The following TBC1D32 variants were observed in gnomAD, a reference collection of about 807,000 sequenced individuals.
The protein encoded by TBC1D32 is TBC1 domain family member 32.
TBC1D32 carries 151 observed loss-of-function variants against 170.3 expected under a neutral mutation model. The ratio of observed to expected loss-of-function variants is 0.89; its 90% CI spans 0.78 to 1.01. TBC1D32 has a LOEUF of 1.01. Among genes scored for constraint, TBC1D32 ranks in the 50% least tolerant of loss-of-function variants. The pLI, the probability that TBC1D32 is intolerant of heterozygous loss-of-function variation, is 0.00. For synonymous variants in TBC1D32, 498 were observed against 488.0 expected, an observed-to-expected ratio of 1.02 and a Z score of -0.27; for missense variants, 1,464 against 1,457.1, an observed-to-expected ratio of 1.00 and a Z score of -0.08.
chr6:121,324,755 T>C (rs1414970447), intron 1 of TBC1D32, among the ~76,000 whole-genome samples: 2 of 152,216 alleles, frequency 1.3e-5, no homozygotes, highest in Non-Finnish European at 2.9e-5. Context: ...GCACATTCCA[T>C]ACAAAACAGT....
chr6:121,273,830 A>T (rs1254758524), intron 15 of TBC1D32, among the ~76,000 whole-genome samples: 1 of 152,108 alleles, frequency 6.6e-6, no homozygotes, highest in East Asian at 1.9e-4. Flanking sequence ...ACTGTGTTCA[A>T]ATAATGCAAA....
intron 24 of TBC1D32, among the ~76,000 whole-genome samples, chr6:121,151,345 AT>A (rs1423888055): frequency 6.6e-6 from 1 of 152,084 alleles, no homozygotes; most frequent in East Asian, 1.9e-4. Context: ...TTCTAATTTG[AT>A]TGCACTGTGG....
chr6:121,313,108 G>A (rs1808451246), intron 3 of TBC1D32, among the ~76,000 whole-genome samples: 1 of 1,300 alleles, frequency 7.7e-4, no homozygotes, highest in African/African-American at 1.3e-3. Flanking sequence ...CTAAGGTGGT[G>A]TGTGTGTGTG....
chr6:121,106,008 T>A lies in TBC1D32; in HGVS notation c.3465+15A>T, dbSNP rs200438206. On this transcript the variant is annotated intron_variant, in intron 30 of 31. Coordinates refer to ENST00000398212, the MANE Select transcript of TBC1D32 (RefSeq NM_152730.6). ...GATAAAGGAGTTGGAGAAATGCTAC[T>A]CCCTTATGGATTACCTGTGATGGTG... The A allele has an allele frequency of 7.6e-6, 12 of 1,583,692 alleles. No individual in the cohort carries two copies. Among genetic ancestry groups the A allele is most frequent in the Admixed American group, 3.4e-5 (2 of 58,812 alleles).
At chr6:121,157,817 G>A (rs963221569) in intron 24 of TBC1D32, among the ~76,000 whole-genome samples, 1 of 152,100 alleles carries the variant, frequency 6.6e-6, no homozygotes, top group African/African-American at 2.4e-5. Context: ...CCTTAAAAAT[G>A]CTGAAAATAG....
intron 22 of TBC1D32, chr6:121,170,510 C>A: frequency 6.3e-7 from 1 of 1,589,200 alleles, no homozygotes. Flanking sequence ...CAGATCACAG[C>A]ATATCACACT....
chr6:121,177,109 T>C (rs79811828), intron 22 of TBC1D32, among the ~76,000 whole-genome samples: 3,657 of 152,252 alleles, frequency 0.024, 159 homozygotes, highest in East Asian at 0.12. Context: ...AAGGAAATGA[T>C]TGCTTATCAG....
intron 15 of TBC1D32, among the ~76,000 whole-genome samples, chr6:121,264,682 C>G (rs1483193824): frequency 6.6e-6 from 1 of 152,144 alleles, no homozygotes; most frequent in Admixed American, 6.5e-5. Context: ...TACTCACAAA[C>G]CAAATCCAGC....
In TBC1D32 at chr6:121,100,173, T is replaced by G. The variant is rs1022833590; in HGVS notation, c.3465+5850A>C. Among the ~76,000 whole-genome samples, 18 of 151,958 alleles carry G rather than the reference T, an allele frequency of 1.2e-4. 1 individual carries two copies. Among genetic ancestry groups the G allele is most frequent in the Non-Finnish European group, 1.5e-5 (1 of 67,944 alleles). Reference sequence around the variant, plus strand: ...CTGTTCTTTTACATTTGCTGAAGAGTGCTTTACTTCCAACTATGTGGTCAA... The same window carrying G: ...CTGTTCTTTTACATTTGCTGAAGAGGGCTTTACTTCCAACTATGTGGTCAA... On this transcript the variant is annotated intron_variant, in intron 30 of 31. Coordinates refer to ENST00000398212, the MANE Select transcript of TBC1D32 (RefSeq NM_152730.6).
In TBC1D32 at chr6:121,256,091, C is replaced by A. The variant is rs746395745; in HGVS notation, c.1928G>T (p.Trp643Leu). 1 of 1,606,390 alleles carries A rather than the reference C, an allele frequency of 6.2e-7. No homozygotes were observed. Among genetic ancestry groups the A allele is most frequent in the East Asian group, 2.2e-5 (1 of 44,810 alleles). ...YNLHESIAKA[W>L]KKTSLLSERI... ...AAGCTTGAAAATACTTACCTTTTTC[C>A]ATGCCTTTGCTATAGATTCATGCAA... Residue 643 changes from tryptophan (W) to leucine (L), a missense_variant, in exon 16 of 32, where the codon TGG becomes TTG. Around this residue, in one of 3 missense-constraint regions of TBC1D32, gnomAD observed 1,363 missense variants for 1,338.1 expected, o/e 1.02. Coordinates refer to ENST00000398212, the MANE Select transcript of TBC1D32 (RefSeq NM_152730.6).
chr6:121,090,415 T>G (rs1279756698), intron 31 of TBC1D32, among the ~76,000 whole-genome samples: 1 of 152,186 alleles, frequency 6.6e-6, no homozygotes, highest in South Asian at 2.1e-4. Context: ...CTTTTTAAAA[T>G]GAGTGCTATG....
chr6:121,144,828 C>T (rs566404031), intron 24 of TBC1D32, among the ~76,000 whole-genome samples: 1 of 152,110 alleles, frequency 6.6e-6, no homozygotes, highest in Non-Finnish European at 1.5e-5. Flanking sequence ...TGGGGCATTC[C>T]AAAGTTTAAA....
chr6:121,213,543 T>A (rs1793421965), intron 21 of TBC1D32, among the ~76,000 whole-genome samples: 1 of 104,188 alleles, frequency 9.6e-6, no homozygotes, highest in Non-Finnish European at 1.9e-5. Flanking sequence ...TAAAATAAAA[T>A]AAAATAAAAT....
chr6:121,240,877 C>CAA (rs35249678), intron 19 of TBC1D32, among the ~76,000 whole-genome samples: 1,061 of 83,834 alleles, frequency 0.013, 27 homozygotes, highest in South Asian at 0.054. Flanking sequence ...TTCTGTCTCA[C>CAA]AAAAAAAAAA....
At chr6:121,310,978 T>A in intron 3 of TBC1D32, 131 bp from the exon 4 acceptor site, 1 of 634,446 alleles carries the variant, frequency 1.6e-6, no homozygotes, top group Non-Finnish European at 2.7e-6. Context: ...CTATTTTGAT[T>A]TGGCAGCAAC....
intron 21 of TBC1D32, among the ~76,000 whole-genome samples, chr6:121,211,376 A>T (rs940502857): frequency 2.4e-4 from 37 of 152,124 alleles, no homozygotes; most frequent in Non-Finnish European, 7.4e-5. Flanking sequence ...AGGGAAATGA[A>T]ATCCCTGGTG....
Position 121,143,103 on chromosome 6 carries a change from T to C in TBC1D32, c.2774-11351A>G, listed in dbSNP as rs143526461. Among the ~76,000 whole-genome samples, 104 of 152,276 alleles carry C rather than the reference T, an allele frequency of 6.8e-4. No homozygotes were observed. In the East Asian group the frequency reaches 0.019, roughly 28 times the overall value. The stretch of plus-strand genomic sequence containing the variant: ...AGTACCATAATATAAGTTACAACAT[T>C]AGTACGTATTATACTACCTATCTAT... On this transcript the variant is annotated intron_variant, in intron 24 of 31. Transcript: ENST00000398212.
At chr6:121,227,078 AT>A (rs1795162174) in intron 20 of TBC1D32, among the ~76,000 whole-genome samples, 1 of 152,196 alleles carries the variant, frequency 6.6e-6, no homozygotes, top group African/African-American at 2.4e-5. Context: ...TGCAAAAAAA[AT>A]CTCATAATGT....
intron 22 of TBC1D32, among the ~76,000 whole-genome samples, chr6:121,186,498 G>A (rs1789228900): frequency 6.6e-6 from 1 of 151,996 alleles, no homozygotes; most frequent in Non-Finnish European, 1.5e-5. Context: ...TGAATTACAA[G>A]AGAAAACAGA....
Sources: gnomAD v4.1 joint callset for allele counts (sites outside exome capture counted in the v4.1 genomes callset) on GRCh38, gnomAD v4.1.1 for gene constraint, gnomAD v4.1.1 regional missense constraint, MANE v1.5 for transcripts, NCBI Gene and HGNC (gene_info 2026-07-23, HGNC 2026-07-21) for gene names.